Variants in ZNF184 observed in about 807,000 individuals in gnomAD.
The protein encoded by ZNF184 is zinc finger protein 184, also known as zinc finger protein 184 (Kruppel-like).
A neutral mutation model predicts 54.4 loss-of-function variants in ZNF184; 16 were observed. The observed-to-expected ratio is 0.29, with a 90% CI of 0.20 to 0.45. The LOEUF is 0.45. Ranked by LOEUF, ZNF184 falls within the 20% of genes least tolerant of loss-of-function variation. ZNF184 has a pLI of 1.00. For missense variants in ZNF184, 681 were observed against 888.2 expected, an observed-to-expected ratio of 0.77 and a Z score of 2.97; for synonymous variants, 254 against 295.3, an observed-to-expected ratio of 0.86 and a Z score of 1.43.
the ZNF184 span, among the ~76,000 whole-genome samples, chr6:27,431,278 C>T: frequency 2.1e-3 from 314 of 152,232 alleles, 1 homozygote; most frequent in African/African-American, 7.2e-3. Context: ...CCTGGAGGGG[C>T]CTATCTGAGG....
the ZNF184 span, among the ~76,000 whole-genome samples, chr6:27,433,164 A>T: frequency 3.4e-3 from 518 of 152,268 alleles, 7 homozygotes; most frequent in East Asian, 0.019. Context: ...CAAATGCATG[A>T]CCATAATAAC....
the ZNF184 span, among the ~76,000 whole-genome samples, chr6:27,440,383 C>T: frequency 7.2e-5 from 11 of 152,084 alleles, no homozygotes; most frequent in African/African-American, 2.7e-4. Context: ...TTATGGTAAG[C>T]GGTAGTCCTG....
At chr6:27,410,006 A>G in the ZNF184 span, among the ~76,000 whole-genome samples, 1 of 152,182 alleles carries the variant, frequency 6.6e-6, no homozygotes, top group Non-Finnish European at 1.5e-5. Flanking sequence ...ATTGTATTAC[A>G]ATTGCCTCTA....
chr6:27,418,038 C>T, the ZNF184 span, among the ~76,000 whole-genome samples: 1 of 152,304 alleles, frequency 6.6e-6, no homozygotes, highest in Admixed American at 6.5e-5. Flanking sequence ...GTTACAGAGT[C>T]TCTTGGGGAC....
At chr6:27,406,446 T>C in the ZNF184 span, 3 of 152,244 alleles carry the variant, frequency 2.0e-5, no homozygotes, top group Admixed American at 2.0e-4. Flanking sequence ...TGGAAACTTA[T>C]CCGGGTCCAG....
the ZNF184 span, chr6:27,404,351 A>G: frequency 6.6e-6 from 1 of 152,228 alleles, no homozygotes; most frequent in Admixed American, 6.5e-5. Context: ...AAAAAAAATT[A>G]TATTTCATAA....
chr6:27,451,239 G>T lies in ZNF184; in HGVS notation c.*64C>A. On this transcript the variant is annotated 3_prime_UTR_variant, in exon 6 of 6. Transcript: ENST00000683788. ...TTTCTAAATCCACTCTGATTCTTCA[G>T]TACTTAACAAAAGGACAAACTAAAG... 6.6e-7 allele frequency: 1 copy of T among 1,506,342 alleles called. No individual in the cohort carries two copies. Among genetic ancestry groups the T allele is most frequent in the Non-Finnish European group, 8.9e-7 (1 of 1,126,038 alleles). 93.3% of individuals were successfully genotyped at this position (1,506,342 alleles called of 1,614,324 possible). A position where few individuals can be genotyped will look rare whatever the true frequency, so the allele number is the denominator to read the frequency against.
At chr6:27,424,331 A>T in the ZNF184 span, among the ~76,000 whole-genome samples, 4 of 151,966 alleles carry the variant, frequency 2.6e-5, no homozygotes, top group Non-Finnish European at 5.9e-5. Context: ...TGCAAAGAGT[A>T]AAAGAACAAA....
At position 27,456,850 on chromosome 6, in the gene ZNF184, T is replaced by C. The variant is rs760696207; in HGVS notation, c.274A>G (p.Ser92Gly). Reference sequence around the variant, plus strand: ...CCTGCACAGGTACCTACTGGAATGCTTGGCTCCATGATCCATGGCTCTGTC... The same window carrying C: ...CCTGCACAGGTACCTACTGGAATGCCTGGCTCCATGATCCATGGCTCTGTC... Reference protein sequence around the residue: ...QGTEPWIMEPSIPVGTCADWE... With the variant: ...QGTEPWIMEPGIPVGTCADWE... The change falls in exon 5 of 6, where the codon AGC becomes GGC. Residue 92 changes from serine to glycine, a missense_variant. Ser to Gly is a moderately conservative substitution (Grantham distance 56). Transcript: ENST00000683788. The C allele has an allele frequency of 1.2e-6, 2 of 1,614,160 alleles. No homozygotes were observed. The highest frequency in any genetic ancestry group is 2.2e-5 in the East Asian group (1 of 44,870).
At chr6:27,419,526 TCAGA>T in the ZNF184 span, among the ~76,000 whole-genome samples, 3 of 119,300 alleles carry the variant, frequency 2.5e-5, no homozygotes, top group African/African-American at 9.8e-5. This position sits in a 1 kb window ranked among gnomAD's most constrained non-coding sequence, Gnocchi z 4.8. Flanking sequence ...TTTTCAATAT[TCAGA>T]TAGATAGATA....
the ZNF184 span, among the ~76,000 whole-genome samples, chr6:27,443,540 T>C: frequency 6.6e-6 from 1 of 152,142 alleles, no homozygotes; most frequent in South Asian, 2.1e-4. Context: ...CTTCCAATGA[T>C]CTTGTTTTCC....
the ZNF184 span, among the ~76,000 whole-genome samples, chr6:27,429,208 A>G: frequency 5.9e-3 from 903 of 152,326 alleles, 5 homozygotes; most frequent in South Asian, 0.015. Context: ...ACATGAACCT[A>G]CAGAAGTAAT....
intron 3 of ZNF184, 62 bp from the exon 4 acceptor site, chr6:27,457,471 A>G: frequency 6.3e-7 from 1 of 1,577,786 alleles, no homozygotes; most frequent in Non-Finnish European, 8.6e-7. Flanking sequence ...GGGTAAAGTT[A>G]GCAATACTGA....
In ZNF184 at chr6:27,452,638, T is replaced by C. The variant is rs771209722; in HGVS notation, c.921A>G (p.Lys307=). 35 of 1,613,594 alleles carry C rather than the reference T, an allele frequency of 2.2e-5. No homozygotes were observed. Among genetic ancestry groups the C allele is most frequent in the African/African-American group, 4.0e-5 (3 of 74,794 alleles). ...TAAAGGCTTTCCCACATTCATCACA[T>C]TTATATGGTTTTTCTCCAGTATGAA... ...QRIHTGEKPY[K]CDECGKAFSQ... is the part of the protein sequence containing the mutation. Residue 307 remains lysine (K), a synonymous_variant, in exon 6 of 6, where the codon AAA becomes AAG. Coordinates refer to ENST00000683788, the MANE Select transcript of ZNF184 (RefSeq NM_001318891.2). This position sits in a 1 kb window ranked among gnomAD's most constrained non-coding sequence, Gnocchi z 5.5.
intron 2 of ZNF184, among the ~76,000 whole-genome samples, chr6:27,469,157 C>G (rs1248223518): frequency 6.6e-6 from 1 of 152,166 alleles, no homozygotes; most frequent in Non-Finnish European, 1.5e-5. Flanking sequence ...ATTTCCTCAT[C>G]TTTAAAAGAC....
chr6:27,453,525 C>T lies in ZNF184; in HGVS notation c.299-265G>A, dbSNP rs7744110. Among the ~76,000 whole-genome samples the T allele has an allele frequency of 0.6, 91,745 of 151,980 alleles. 27,783 individuals are homozygous for T. The highest frequency in any genetic ancestry group is 0.75 in the Middle Eastern group (221 of 294). On this transcript the variant is annotated intron_variant, in intron 5 of 5. Transcript: ENST00000683788. The surrounding 1 kb of genome is among the most constrained non-coding windows in gnomAD (Gnocchi z 4.7). ...GAAATACATTTAAGGTAATAGTTGA[C>T]TAAAAAGGTGACAACAGAGATGGCT...
the ZNF184 span, among the ~76,000 whole-genome samples, chr6:27,422,148 A>AAAAAAAAAAAGAAAG: frequency 2.3e-5 from 1 of 43,472 alleles, no homozygotes; most frequent in African/African-American, 8.4e-5. Flanking sequence ...CTCAAAAAAA[A>AAAAAAAAAAAGAAAG]AAAGAAAGAA....
intron 3 of ZNF184, among the ~76,000 whole-genome samples, chr6:27,464,989 G>A (rs1374013963): frequency 7.7e-6 from 1 of 129,652 alleles, no homozygotes; most frequent in African/African-American, 3.1e-5. Context: ...TGCACTCCAG[G>A]CTGGGCGACA....
chr6:27,462,738 G>A (rs145289109), intron 3 of ZNF184, among the ~76,000 whole-genome samples: 5,554 of 150,906 alleles, frequency 0.037, 122 homozygotes, highest in African/African-American at 0.057. Context: ...GGTGGTGAGC[G>A]CCTGTAATCC....
Sources: gnomAD v4.1 joint callset for allele counts (sites outside exome capture counted in the v4.1 genomes callset) on GRCh38, gnomAD v4.1.1 for gene constraint, Gnocchi (gnomAD v3.1) non-coding constraint, MANE v1.5 for transcripts, NCBI Gene and HGNC (gene_info 2026-07-23, HGNC 2026-07-21) for gene names.